Variants in NELL1 observed in about 807,000 individuals in gnomAD.
NELL1 encodes the protein neural EGFL like 1.
Under a neutral mutation model 107.4 loss-of-function variants are expected in NELL1, and 76 were observed. The observed-to-expected ratio is 0.71, with a 90% CI of 0.59 to 0.86. The LOEUF (loss-of-function observed/expected upper bound fraction) is 0.86. Ranked by LOEUF, NELL1 falls within the 40% of genes least tolerant of loss-of-function variation. NELL1 has a pLI of 0.00. For missense variants in NELL1, 1,024 were observed against 1,005.5 expected (o/e 1.02, Z -0.25); for synonymous variants, 353 against 341.2 (o/e 1.03, Z -0.38).
intron 13 of NELL1, among the ~76,000 whole-genome samples, chr11:21,177,740 T>TG (rs962827432): frequency 6.6e-6 from 1 of 151,856 alleles, no homozygotes; most frequent in African/African-American, 2.4e-5. Context: ...CTACCAACAG[T>TG]GTGCACCCAT....
intron 15 of NELL1, among the ~76,000 whole-genome samples, chr11:21,455,320 C>CTTTTTTTTTTTTTTTTTTTT (rs34607165): frequency 5.2e-5 from 4 of 77,210 alleles, no homozygotes; most frequent in African/African-American, 1.1e-4. Context: ...TTCTTTTATT[C>CTTTTTTTTTTTTTTTTTTTT]TTTTTTTTTT....
chr11:20,983,593 C>A (rs7925549), intron 12 of NELL1, among the ~76,000 whole-genome samples: 18,693 of 152,080 alleles, frequency 0.12, 1,558 homozygotes, highest in East Asian at 0.25. Flanking sequence ...ACCCTAAAGT[C>A]CAGTCGATTA....
chr11:21,266,325 A>G (rs139807638), intron 14 of NELL1, among the ~76,000 whole-genome samples: 3,847 of 151,892 alleles, frequency 0.025, 81 homozygotes, highest in Middle Eastern at 0.071. Context: ...TCATCTATCT[A>G]CCTATTTTTA....
intron 2 of NELL1, among the ~76,000 whole-genome samples, chr11:20,718,591 G>A (rs1034650385): frequency 5.3e-5 from 8 of 152,086 alleles, no homozygotes; most frequent in African/African-American, 1.9e-4. Context: ...TGCTCTCAAG[G>A]GTCTTCCTCT....
At chr11:20,946,211 C>T (rs76200158) in intron 10 of NELL1, among the ~76,000 whole-genome samples, 5,728 of 152,224 alleles carry the variant, frequency 0.038, 359 homozygotes, top group African/African-American at 0.13. Flanking sequence ...CTCTCCTGCA[C>T]CCTTCTTGAC....
At chr11:20,801,310 G>A (rs1489217548) in intron 3 of NELL1, among the ~76,000 whole-genome samples, 1 of 152,204 alleles carries the variant, frequency 6.6e-6, no homozygotes, top group Non-Finnish European at 1.5e-5. Context: ...AGCCACTGAA[G>A]ATTTTGACTC....
At chr11:21,354,058 G>T (rs1850874939) in intron 14 of NELL1, among the ~76,000 whole-genome samples, 1 of 152,154 alleles carries the variant, frequency 6.6e-6, no homozygotes, top group Non-Finnish European at 1.5e-5. Flanking sequence ...ACTATATAAA[G>T]AAGGTGCTGT....
chr11:21,355,333 G>A (rs567646559), intron 14 of NELL1, among the ~76,000 whole-genome samples: 2 of 152,046 alleles, frequency 1.3e-5, no homozygotes, highest in Non-Finnish European at 2.9e-5. Context: ...GAGAAAACGG[G>A]GCTGATATAT....
intron 15 of NELL1, among the ~76,000 whole-genome samples, chr11:21,517,299 G>T (rs184628994): frequency 6.6e-6 from 1 of 152,106 alleles, no homozygotes; most frequent in South Asian, 2.1e-4. Flanking sequence ...CCTGCACAGC[G>T]TTGGTCTAAA....
intron 15 of NELL1, among the ~76,000 whole-genome samples, chr11:21,510,485 G>C (rs962954097): frequency 6.6e-6 from 1 of 152,056 alleles, no homozygotes; most frequent in Non-Finnish European, 1.5e-5. Context: ...TGCATTCTCC[G>C]GTTGGGCTGA....
chr11:21,144,363 A>G (rs1010454106), intron 13 of NELL1, among the ~76,000 whole-genome samples: 1 of 152,188 alleles, frequency 6.6e-6, no homozygotes, highest in African/African-American at 2.4e-5. Flanking sequence ...GAGTCAACTA[A>G]TTTGAGGTAT....
intron 13 of NELL1, among the ~76,000 whole-genome samples, chr11:21,201,041 G>A (rs1246102304): frequency 6.6e-6 from 1 of 152,150 alleles, no homozygotes; most frequent in Non-Finnish European, 1.5e-5. Context: ...TAGCCTTGTA[G>A]TATAGTTTGA....
At chr11:21,534,305 G>C in intron 15 of NELL1, 69 bp from the exon 16 acceptor site, 5 of 1,570,996 alleles carry the variant, frequency 3.2e-6, no homozygotes, top group Admixed American at 3.3e-5. Context: ...CATGTTTTAG[G>C]CATTTCCTGA....
chr11:20,735,767 G>T (rs1288963366), intron 2 of NELL1, among the ~76,000 whole-genome samples: 2 of 152,138 alleles, frequency 1.3e-5, no homozygotes, highest in Non-Finnish European at 2.9e-5. Flanking sequence ...TAGATAAAAA[G>T]GTACAGTGAC....
chr11:21,037,992 G>T (rs1469845864), intron 12 of NELL1, among the ~76,000 whole-genome samples: 1 of 152,072 alleles, frequency 6.6e-6, no homozygotes, highest in Non-Finnish European at 1.5e-5. Context: ...TTAAATAACA[G>T]AACAGGAATG....
intron 12 of NELL1, among the ~76,000 whole-genome samples, chr11:21,001,729 G>C (rs540941537): frequency 1.3e-5 from 2 of 149,374 alleles, no homozygotes; most frequent in African/African-American, 4.9e-5. Context: ...GGCAATCAAC[G>C]GGGAGCTCCC....
chr11:20,885,766 C>T (rs1175700613), intron 5 of NELL1, among the ~76,000 whole-genome samples: 3 of 152,146 alleles, frequency 2.0e-5, no homozygotes, highest in Non-Finnish European at 4.4e-5. Flanking sequence ...GCTTTGAAAC[C>T]AGGCAGAGAG....
At chr11:21,450,212 TC>T (rs1363519331) in intron 15 of NELL1, among the ~76,000 whole-genome samples, 1 of 152,230 alleles carries the variant, frequency 6.6e-6, no homozygotes, top group East Asian at 1.9e-4. Flanking sequence ...ACTCTTTTAA[TC>T]TGATAGCAAA....
intron 15 of NELL1, among the ~76,000 whole-genome samples, chr11:21,529,815 T>G (rs2133965927): frequency 6.6e-6 from 1 of 152,270 alleles, no homozygotes; most frequent in Non-Finnish European, 1.5e-5. Flanking sequence ...CAGACTGTGC[T>G]TAAGAGTCTT....
Sources: allele counts gnomAD v4.1 joint callset (sites outside exome capture counted in the v4.1 genomes callset), GRCh38; gene constraint gnomAD v4.1.1; transcripts MANE v1.5; gene names NCBI Gene and HGNC (gene_info 2026-07-23, HGNC 2026-07-21).